BANK1: variants seen among roughly 807,000 people sequenced by gnomAD.
BANK1 encodes the protein B cell scaffold protein with ankyrin repeats 1.
In BANK1, 95 loss-of-function variants were observed where a neutral mutation model predicts 94.5. That is an observed-to-expected ratio of 1.00 (90% CI 0.85 to 1.19). The LOEUF (loss-of-function observed/expected upper bound fraction) is 1.19, where lower values mean the gene tolerates loss of function less well. Ranked by LOEUF, BANK1 falls within the 50% of genes most tolerant of loss-of-function variation. The pLI, the probability that BANK1 is intolerant of heterozygous loss-of-function variation, is 0.00. For missense variants in BANK1, 987 were observed against 932.2 expected, an observed-to-expected ratio of 1.06 and a Z score of -0.77; for synonymous variants, 334 against 308.4, an observed-to-expected ratio of 1.08 and a Z score of -0.87.
intron 7 of BANK1, among the ~76,000 whole-genome samples, chr4:101,981,000 T>C (rs1026115794): frequency 6.6e-6 from 1 of 152,128 alleles, no homozygotes; most frequent in Non-Finnish European, 1.5e-5. Context: ...TTCCCAAGCA[T>C]ATGAGACATC....
At chr4:101,793,919 C>A (rs567072627) in intron 1 of BANK1, among the ~76,000 whole-genome samples, 86 of 152,082 alleles carry the variant, frequency 5.7e-4, no homozygotes, top group African/African-American at 1.9e-3. Flanking sequence ...TGAAAAACTG[C>A]CTCATACTGA....
chr4:101,980,841 T>A (rs1007453820), intron 7 of BANK1, among the ~76,000 whole-genome samples: 1 of 152,050 alleles, frequency 6.6e-6, no homozygotes, highest in African/African-American at 2.4e-5. Context: ...TTTGATTATT[T>A]GTTGCTATCA....
At position 101,974,984 on chromosome 4, in the gene BANK1, T is replaced by C. The variant is rs560871107; in HGVS notation, c.1207-46530T>C. ...GAATAAATAAATAAACTGAAACATT[T>C]AGGTGCAGTGTGCTCATTGTAACCT... is the stretch of plus-strand genomic sequence containing the variant. On this transcript the variant is annotated intron_variant, in intron 7 of 16. Coordinates refer to ENST00000322953, the MANE Select transcript of BANK1 (RefSeq NM_017935.5). Among the ~76,000 whole-genome samples, 4 of 152,010 alleles carry C rather than the reference T, an allele frequency of 2.6e-5. No homozygotes were observed. The East Asian group carries it at 7.8e-4, about 30-fold the overall frequency.
chr4:102,072,285 T>A, intron 14 of BANK1, 60 bp from the exon 15 acceptor site: 2 of 1,318,064 alleles, frequency 1.5e-6, no homozygotes, highest in Non-Finnish European at 2.2e-6. Context: ...AAGTACTGAA[T>A]AAATAAATCA....
chr4:102,004,114 A>G (rs984536134), intron 7 of BANK1, among the ~76,000 whole-genome samples: 2 of 152,142 alleles, frequency 1.3e-5, no homozygotes, highest in African/African-American at 2.4e-5. Flanking sequence ...TTTATCATCT[A>G]TCTGCCCTCC....
chr4:101,868,924 T>C (rs528758140), intron 4 of BANK1, among the ~76,000 whole-genome samples: 1 of 151,976 alleles, frequency 6.6e-6, no homozygotes, highest in African/African-American at 2.4e-5. Flanking sequence ...CACAATCCTT[T>C]AAAAGGCATC....
chr4:101,998,609 G>T (rs191733238), intron 7 of BANK1, among the ~76,000 whole-genome samples: 125 of 152,246 alleles, frequency 8.2e-4, no homozygotes, highest in Non-Finnish European at 1.5e-3. Context: ...TGTAGTGGGT[G>T]CATGTATATT....
chr4:101,971,048 A>G (rs1724935308), intron 7 of BANK1, among the ~76,000 whole-genome samples: 1 of 152,106 alleles, frequency 6.6e-6, no homozygotes. Flanking sequence ...CTCTTCATGC[A>G]ACATAATTTG....
chr4:102,046,504 T>C (rs1727883230), intron 11 of BANK1, among the ~76,000 whole-genome samples: 1 of 152,120 alleles, frequency 6.6e-6, no homozygotes, highest in African/African-American at 2.4e-5. Flanking sequence ...TGTGTTTTCA[T>C]AGACCTATAA....
chr4:101,904,631 G>A (rs892563191), intron 6 of BANK1, among the ~76,000 whole-genome samples: 15 of 152,050 alleles, frequency 9.9e-5, no homozygotes, highest in Admixed American at 2.6e-4. Flanking sequence ...CCCATTTCAT[G>A]CATTGTATGT....
In BANK1 at chr4:101,909,107, C is replaced by T. The variant is rs184608626; in HGVS notation, c.1010-8886C>T. ...ATGCTGCTAGAAAGACACATGCACA[C>T]GTATGCTTATTGCAGCAAAGACTTG... On this transcript the variant is annotated intron_variant, in intron 6 of 16. Transcript: ENST00000322953. Among the ~76,000 whole-genome samples the T allele has an allele frequency of 5.6e-3, 855 of 152,134 alleles. 11 individuals carry two copies. The highest frequency in any genetic ancestry group is 0.019 in the African/African-American group (791 of 41,512).
chr4:101,989,431 C>CAAAA (rs899065744), intron 7 of BANK1, among the ~76,000 whole-genome samples: 10 of 31,050 alleles, frequency 3.2e-4, no homozygotes, highest in Non-Finnish European at 4.3e-4. Flanking sequence ...GACTCCGTCT[C>CAAAA]AAAAAAAAAA....
intron 7 of BANK1, among the ~76,000 whole-genome samples, chr4:101,960,280 T>G (rs192640091): frequency 8.5e-5 from 13 of 152,260 alleles, no homozygotes; most frequent in Admixed American, 7.8e-4. Context: ...GCCCTTCTGC[T>G]TAAGGACCTT....
chr4:101,999,662 A>C (rs761338951), intron 7 of BANK1, among the ~76,000 whole-genome samples: 1 of 152,246 alleles, frequency 6.6e-6, no homozygotes, highest in Non-Finnish European at 1.5e-5. Context: ...TTACAGTTAA[A>C]TAGGTGAAAC....
At chr4:101,853,421 A>G (rs936907240) in intron 2 of BANK1, among the ~76,000 whole-genome samples, 2 of 151,926 alleles carry the variant, frequency 1.3e-5, no homozygotes, top group African/African-American at 4.8e-5. Flanking sequence ...CTTTCTTTTT[A>G]CCCTGTCAAT....
In BANK1 at chr4:101,829,810, A is replaced by G. The variant is rs1726532269; in HGVS notation, c.73A>G (p.Asn25Asp). 1 of 1,512,580 alleles carries G rather than the reference A, an allele frequency of 6.6e-7. No individual in the cohort carries two copies. The highest frequency in any genetic ancestry group is 2.3e-5 in the East Asian group (1 of 43,268). The allele number at this position is 1,512,580 out of a possible 1,614,324, so 93.7% of individuals were successfully genotyped here. ...GAAAATATTTTTTCTTTTTCCAGGA[A>G]ATACAAAAGATATAATAATGATATA... is the stretch of plus-strand genomic sequence containing the variant. ...PAPCGPAPPG[N>D]TKDIIMIYEE... The change falls in exon 2 of 17, where the codon AAT (asparagine) becomes GAT (aspartate). Residue 25 changes from asparagine (N) to aspartate (D), a missense_variant and splice_region_variant. Coordinates refer to ENST00000322953, the MANE Select transcript of BANK1 (RefSeq NM_017935.5).
chr4:101,987,377 A>C (rs751234223), intron 7 of BANK1, among the ~76,000 whole-genome samples: 1 of 152,122 alleles, frequency 6.6e-6, no homozygotes, highest in Non-Finnish European at 1.5e-5. Flanking sequence ...AGTCACAGAG[A>C]GTTTATGTTA....
At chr4:102,020,369 A>G (rs1211426911) in intron 7 of BANK1, among the ~76,000 whole-genome samples, 1 of 152,146 alleles carries the variant, frequency 6.6e-6, no homozygotes, top group Non-Finnish European at 1.5e-5. Context: ...ACAATTTTTC[A>G]TATTAGAATT....
chr4:101,876,151 C>T (rs1208835264), intron 5 of BANK1, among the ~76,000 whole-genome samples: 1 of 152,176 alleles, frequency 6.6e-6, no homozygotes, highest in Non-Finnish European at 1.5e-5. Context: ...TCATCACCTG[C>T]TAACTGAAGA....
Sources: gnomAD v4.1 joint callset for allele counts (sites outside exome capture counted in the v4.1 genomes callset) on GRCh38, gnomAD v4.1.1 for gene constraint, MANE v1.5 for transcripts, NCBI Gene and HGNC (gene_info 2026-07-23, HGNC 2026-07-21) for gene names.